The following GPC6 variants were observed in gnomAD, a reference collection of about 807,000 sequenced individuals.
The protein encoded by GPC6 is glypican-6.
A neutral mutation model predicts 55.2 loss-of-function variants in GPC6; 14 were observed. That is an observed-to-expected ratio of 0.25 (90% CI 0.17 to 0.40). The LOEUF is 0.40. GPC6 is among the 10% of genes least tolerant of loss of function. The pLI, the probability that GPC6 is intolerant of heterozygous loss-of-function variation, is 1.00. For synonymous variants in GPC6, 278 were observed against 259.6 expected (o/e 1.07, Z -0.68); for missense variants, 641 against 708.5 (o/e 0.90, Z 1.08).
At chr13:93,877,912 G>A (rs959847475) in intron 3 of GPC6, among the ~76,000 whole-genome samples, 4 of 152,060 alleles carry the variant, frequency 2.6e-5, no homozygotes, top group African/African-American at 9.7e-5. Context: ...GAGGAACTGT[G>A]ATAGCATTAA....
chr13:93,568,109 T>A (rs1487376136), intron 2 of GPC6, among the ~76,000 whole-genome samples: 3 of 152,138 alleles, frequency 2.0e-5, no homozygotes, highest in African/African-American at 4.8e-5. Flanking sequence ...GATGCATCCA[T>A]TTGAGTGTGT....
At chr13:93,819,729 A>G (rs761566281) in intron 2 of GPC6, among the ~76,000 whole-genome samples, 1 of 152,246 alleles carries the variant, frequency 6.6e-6, no homozygotes, top group South Asian at 2.1e-4. Flanking sequence ...AGCAGCAACC[A>G]TCAGCACATT....
At chr13:93,830,094 T>C (rs953528187) in intron 2 of GPC6, 60 bp from the exon 3 acceptor site, 1 of 1,254,850 alleles carries the variant, frequency 8.0e-7, no homozygotes, top group Non-Finnish European at 1.1e-6. Context: ...TTAAGGTAAG[T>C]GGGTGCCTTG....
chr13:93,471,319 C>G (rs1430363553), intron 1 of GPC6, among the ~76,000 whole-genome samples: 1 of 150,386 alleles, frequency 6.6e-6, no homozygotes, highest in Admixed American at 6.6e-5. Context: ...TCAAGACCAT[C>G]CTGGCTAACG....
At chr13:93,986,600 C>T (rs1239805103) in intron 3 of GPC6, among the ~76,000 whole-genome samples, 1 of 152,114 alleles carries the variant, frequency 6.6e-6, no homozygotes, top group Non-Finnish European at 1.5e-5. Context: ...CCATTATCTA[C>T]TTGCATAAAC....
chr13:93,425,655 G>T (rs1393054358), intron 1 of GPC6, among the ~76,000 whole-genome samples: 2 of 152,194 alleles, frequency 1.3e-5, no homozygotes, highest in Non-Finnish European at 2.9e-5. Flanking sequence ...AAGAGAGTTT[G>T]TTGTGAAACC....
chr13:93,367,446 T>G (rs1197667008), intron 1 of GPC6, among the ~76,000 whole-genome samples: 1 of 152,096 alleles, frequency 6.6e-6, no homozygotes, highest in Non-Finnish European at 1.5e-5. Flanking sequence ...TGTTTTCTAT[T>G]TCGTTGGTTT....
At chr13:94,336,047 C>G (rs1322285948) in intron 6 of GPC6, among the ~76,000 whole-genome samples, 1 of 151,964 alleles carries the variant, frequency 6.6e-6, no homozygotes, top group Non-Finnish European at 1.5e-5. Context: ...ATTGGAGAGT[C>G]ATTTTTGTGA....
rs1194854161 is a variant in GPC6, at chr13:93,490,801, AG to A, written c.161-54461del. ...TTTTTGTTCTTGCGATAGTTTACTG[AG>A]AATGATGGTTTCCAATTTCATCCAT... On this transcript the variant is annotated intron_variant, in intron 1 of 8. Transcript: ENST00000377047. 5.3e-5 allele frequency among the ~76,000 whole-genome samples: 6 copies of A among 112,946 alleles called. No homozygotes were observed. The Admixed American group carries it at 5.9e-4, about 11-fold the overall frequency. The allele number at this position is 112,946 out of a possible 152,430, so 74.1% of individuals were successfully genotyped here. A position where few individuals can be genotyped will look rare whatever the true frequency, so the allele number is the denominator to read the frequency against.
At position 93,912,543 on chromosome 13, in the gene GPC6, A is replaced by C. The variant is rs573653369; in HGVS notation, c.711+81998A>C. The stretch of plus-strand genomic sequence containing the variant: ...CGGATCACAAGGTCAGGAGATCGAG[A>C]CCATCCTGGCTAACACGGTGAAACC... On this transcript the variant is annotated intron_variant, in intron 3 of 8. Transcript: ENST00000377047. 3.0e-4 allele frequency among the ~76,000 whole-genome samples: 45 copies of C among 152,216 alleles called. 1 individual carries two copies. The highest frequency in any genetic ancestry group is 1.0e-3 in the South Asian group (5 of 4,820).
chr13:94,151,719 C>T (rs1887748943), intron 4 of GPC6, among the ~76,000 whole-genome samples: 1 of 152,100 alleles, frequency 6.6e-6, no homozygotes, highest in Non-Finnish European at 1.5e-5. Context: ...ACTACAGCAG[C>T]TCTGAGACAT....
intron 1 of GPC6, among the ~76,000 whole-genome samples, chr13:93,475,648 A>G (rs1369392555): frequency 1.3e-5 from 2 of 152,190 alleles, no homozygotes; most frequent in Admixed American, 6.5e-5. Flanking sequence ...TATATGTTCA[A>G]GAGAGTACTT....
chr13:93,944,439 T>C (rs1047781052), intron 3 of GPC6, among the ~76,000 whole-genome samples: 5 of 152,114 alleles, frequency 3.3e-5, no homozygotes, highest in Admixed American at 1.3e-4. Flanking sequence ...CTCCTGACTT[T>C]GTGATCCGCC....
intron 1 of GPC6, among the ~76,000 whole-genome samples, chr13:93,460,437 G>A (rs971323154): frequency 2.0e-5 from 3 of 150,940 alleles, no homozygotes; most frequent in African/African-American, 7.3e-5. Context: ...ATAAAGTTAG[G>A]TTAAGAATTC....
intron 3 of GPC6, among the ~76,000 whole-genome samples, chr13:93,905,968 G>A (rs1020632168): frequency 1.3e-5 from 2 of 152,110 alleles, no homozygotes; most frequent in Non-Finnish European, 2.9e-5. Context: ...ATGAATCTTA[G>A]AATAAATACT....
intron 4 of GPC6, among the ~76,000 whole-genome samples, chr13:94,053,300 G>A (rs1387250264): frequency 6.6e-6 from 1 of 152,090 alleles, no homozygotes; most frequent in Non-Finnish European, 1.5e-5. Context: ...TCAAAGCTCT[G>A]TAGGCAATTT....
chr13:94,003,172 A>G (rs985688393), intron 3 of GPC6, among the ~76,000 whole-genome samples: 10 of 152,194 alleles, frequency 6.6e-5, no homozygotes, highest in African/African-American at 1.2e-4. Flanking sequence ...GCTTTCTCCA[A>G]TGTTGGCAAC....
chr13:94,392,587 G>A (rs904413295), intron 7 of GPC6, among the ~76,000 whole-genome samples: 4 of 151,858 alleles, frequency 2.6e-5, no homozygotes, highest in African/African-American at 7.3e-5. Flanking sequence ...GCGCCACCAC[G>A]CGTGGCTAAT....
At chr13:94,107,861 T>A (rs952619319) in intron 4 of GPC6, among the ~76,000 whole-genome samples, 1 of 151,982 alleles carries the variant, frequency 6.6e-6, no homozygotes, top group African/African-American at 2.4e-5. Flanking sequence ...CCTGCAAGAA[T>A]GGCCATAATA....
Sources: gnomAD v4.1 joint callset for allele counts (sites outside exome capture counted in the v4.1 genomes callset) on GRCh38, gnomAD v4.1.1 for gene constraint, MANE v1.5 for transcripts, NCBI Gene and HGNC (gene_info 2026-07-23, HGNC 2026-07-21) for gene names.